The following LOXL1 variants were observed in gnomAD, a reference collection of about 807,000 sequenced individuals.
The protein encoded by LOXL1 is lysyl oxidase homolog 1.
A neutral mutation model predicts 62.2 loss-of-function variants in LOXL1; 31 were observed. The ratio of observed to expected loss-of-function variants is 0.50; its 90% CI spans 0.37 to 0.67. LOXL1 has a LOEUF of 0.67. Among genes scored for constraint, LOXL1 ranks in the 30% least tolerant of loss-of-function variants. The probability of loss-of-function intolerance (pLI) is 0.00; values close to 1 mark genes in which losing one functional copy is unlikely to be tolerated. For missense variants in LOXL1, 775 were observed against 843.4 expected, an observed-to-expected ratio of 0.92 and a Z score of 1.00; for synonymous variants, 403 against 384.4, an observed-to-expected ratio of 1.05 and a Z score of -0.56.
intron 1 of LOXL1, among the ~76,000 whole-genome samples, chr15:73,941,708 G>A (rs1456554006): frequency 6.6e-6 from 1 of 152,146 alleles, no homozygotes. Context: ...TAAGTCAGTG[G>A]CTGGGCTGGG....
Position 73,946,567 on chromosome 15 carries a change from G to T in LOXL1, c.1349+13G>T. 1 of 1,595,704 alleles carries T rather than the reference G, an allele frequency of 6.3e-7. No individual in the cohort carries two copies. Among genetic ancestry groups the T allele is most frequent in the Non-Finnish European group, 8.5e-7 (1 of 1,171,024 alleles). ...ACAGCTGCCACCAGTGAGTGGGGAGGGGCTGGGCCCGTCCTCTTCCACTTC... is the reference window on the plus strand; with the variant it reads ...ACAGCTGCCACCAGTGAGTGGGGAGTGGCTGGGCCCGTCCTCTTCCACTTC... On this transcript the variant is annotated intron_variant, in intron 3 of 6. Transcript: ENST00000261921.
chr15:73,939,340 C>T (rs1022051319), intron 1 of LOXL1, among the ~76,000 whole-genome samples: 1 of 151,984 alleles, frequency 6.6e-6, no homozygotes, highest in African/African-American at 2.4e-5. Context: ...GAGGGTGAGG[C>T]GGGGGGGCCT....
intron 1 of LOXL1, 69 bp downstream of exon 1, chr15:73,927,954 CG>C (rs2068603219): frequency 8.0e-7 from 1 of 1,253,902 alleles, no homozygotes; most frequent in East Asian, 3.2e-5. Flanking sequence ...CCGGGCCCCC[CG>C]GGCCCCTCCT....
At chr15:73,949,611 C>T in intron 6 of LOXL1, 37 bp downstream of exon 6, 1 of 1,454,516 alleles carries the variant, frequency 6.9e-7, no homozygotes, top group Non-Finnish European at 9.6e-7. Context: ...GGCTCCGTCC[C>T]TTTCCTGCCT....
chr15:73,949,684 C>T (rs765582358), intron 6 of LOXL1, 110 bp downstream of exon 6: 104 of 735,036 alleles, frequency 1.4e-4, no homozygotes, highest in East Asian at 9.8e-4. Flanking sequence ...CCTTGATGGC[C>T]GAACGCAGCT....
chr15:73,934,177 CA>C (rs927280088), intron 1 of LOXL1, among the ~76,000 whole-genome samples: 1 of 152,236 alleles, frequency 6.6e-6, no homozygotes, highest in Non-Finnish European at 1.5e-5. Context: ...AAACCCAACG[CA>C]AATCTTTCTG....
rs1402237715 is a variant in LOXL1 at position 73,927,481 on chromosome 15, G to A, written c.698G>A (p.Arg233His). Reference sequence around the variant, plus strand: ...ATCTACCCCTACCAGCCCCGGGCGCGCTACGAGGAGTACGGCGGCGGCGAA... The same window carrying A: ...ATCTACCCCTACCAGCCCCGGGCGCACTACGAGGAGTACGGCGGCGGCGAA... Reference protein sequence around the residue: ...GVIYPYQPRARYEEYGGGEEL... With the variant: ...GVIYPYQPRAHYEEYGGGEEL... Residue 233 changes from arginine (R) to histidine (H), a missense_variant, in exon 1 of 7, where the codon CGC becomes CAC. Coordinates refer to ENST00000261921, the MANE Select transcript of LOXL1 (RefSeq NM_005576.4). The A allele has an allele frequency of 2.1e-6, 3 of 1,457,896 alleles. No homozygotes were observed. The highest frequency in any genetic ancestry group is 2.8e-5 in the East Asian group (1 of 35,546). 90.3% of individuals were successfully genotyped at this position (1,457,896 alleles called of 1,614,324 possible). A position where few individuals can be genotyped will look rare whatever the true frequency, so the allele number is the denominator to read the frequency against.
At chr15:73,938,275 G>GTATCTATC (rs138576407) in intron 1 of LOXL1, among the ~76,000 whole-genome samples, 48,352 of 140,356 alleles carry the variant, frequency 0.34, 8,631 homozygotes, top group Middle Eastern at 0.42. Context: ...GCTAGACTCC[G>GTATCTATC]TATCTATCTA....
In LOXL1 at chr15:73,947,841, C is replaced by A; in HGVS notation, c.1541C>A (p.Ala514Glu). ...CCAGGCTGCTATGACACCTACAATG[C>A]GGACATCGACTGCCAGTGGATCGAC... The part of the protein sequence containing the change: ...LSPGCYDTYN[A>E]DIDCQWIDIT... Residue 514 changes from alanine (A) to glutamate (E), a missense_variant, in exon 5 of 7, where the codon GCG becomes GAG. By Grantham distance (107) the Ala-to-Glu change is moderately radical. Coordinates refer to ENST00000261921, the MANE Select transcript of LOXL1 (RefSeq NM_005576.4). The A allele has an allele frequency of 6.2e-7, 1 of 1,613,666 alleles. No homozygotes were observed. Among genetic ancestry groups the A allele is most frequent in the Non-Finnish European group, 8.5e-7 (1 of 1,179,646 alleles).
Position 73,927,413 on chromosome 15 carries a change from CG to C in LOXL1, c.632del (p.Gly211AlafsTer216). 2.6e-6 allele frequency: 4 copies of C among 1,530,782 alleles called. No individual in the cohort carries two copies. Among genetic ancestry groups the C allele is most frequent in the Non-Finnish European group, 3.5e-6 (4 of 1,141,436 alleles). The allele number at this position is 1,530,782 out of a possible 1,614,324, so 94.8% of individuals were successfully genotyped here. A position where few individuals can be genotyped will look rare whatever the true frequency, so the allele number is the denominator to read the frequency against. On this transcript the variant is annotated frameshift_variant, in exon 1 of 7. Transcript: ENST00000261921. LOFTEE classifies it high-confidence loss of function. ...GFVYYRPAGG[G>X]VGAGAAAVAS... Reference sequence around the variant, plus strand: ...TCGTGTACTACCGGCCCGCGGGCGGCGGCGTGGGCGCGGGGGCGGCGGCCGT... The same window carrying C: ...TCGTGTACTACCGGCCCGCGGGCGGCGCGTGGGCGCGGGGGCGGCGGCCGT...
Position 73,926,633 on chromosome 15 carries a change from C to G in LOXL1, c.-151C>G. 3 of 895,076 alleles carry G rather than the reference C, an allele frequency of 3.4e-6. No individual in the cohort carries two copies. Among genetic ancestry groups the G allele is most frequent in the African/African-American group, 3.5e-5 (2 of 56,974 alleles). The allele number at this position is 895,076 out of a possible 1,614,324, so 55.4% of individuals were successfully genotyped here. On this transcript the variant is annotated 5_prime_UTR_variant, in exon 1 of 7. Coordinates refer to ENST00000261921, the MANE Select transcript of LOXL1 (RefSeq NM_005576.4). ...CTTGAAATGCTGTCATCGGAGGAGC[C>G]GTCCCGCTCGGGACAAGGCCAGCAT...
In LOXL1 at chr15:73,926,869, A is replaced by AGCCCGGGCAGGGCTCGGACCCC; in HGVS notation, c.92_113dup (p.Trp39AlafsTer41). On this transcript the variant is annotated frameshift_variant, in exon 1 of 7. Transcript: ENST00000261921. LOFTEE classifies it high-confidence loss of function. The stretch of plus-strand genomic sequence containing the variant: ...GTGCTGGTGCACGGGCAGCAGGCGC[A>AGCCCGGGCAGGGCTCGGACCCC]GCCCGGGCAGGGCTCGGACCCCGCC... 1 of 1,553,152 alleles carries AGCCCGGGCAGGGCTCGGACCCC rather than the reference A, an allele frequency of 6.4e-7. No homozygotes were observed.
Position 73,951,948 on chromosome 15 carries a change from C to G in LOXL1, c.*111C>G. 8.3e-6 allele frequency: 8 copies of G among 967,514 alleles called. No individual in the cohort carries two copies. The highest frequency in any genetic ancestry group is 3.0e-5 in the South Asian group (1 of 33,306). 59.9% of individuals were successfully genotyped at this position (967,514 alleles called of 1,614,324 possible). A position where few individuals can be genotyped will look rare whatever the true frequency, so the allele number is the denominator to read the frequency against. ...CCAACCCACAGGCACGGAGGGGCAT[C>G]CCTCCCTGCCGGCCTCAGGGAGCGA... On this transcript the variant is annotated 3_prime_UTR_variant, in exon 7 of 7. Coordinates refer to ENST00000261921, the MANE Select transcript of LOXL1 (RefSeq NM_005576.4).
Position 73,949,507 on chromosome 15 carries a change from A to G in LOXL1, c.1651A>G (p.Asn551Asp). 6.2e-7 allele frequency: 1 copy of G among 1,614,050 alleles called. No homozygotes were observed. The highest frequency in any genetic ancestry group is 8.5e-7 in the Non-Finnish European group (1 of 1,179,912). Residue 551 changes from asparagine to aspartate, a missense_variant, in exon 6 of 7, where the codon AAC (asparagine) becomes GAC (aspartate). Asn to Asp is a conservative substitution (Grantham distance 23, BLOSUM62 1). Transcript: ENST00000261921. ...YIVLESDFTNNVVRCNIHYTG... is the reference protein window; with the variant it reads ...YIVLESDFTNDVVRCNIHYTG... The stretch of plus-strand genomic sequence containing the variant: ...TGTTTTGGAGTCTGACTTCACCAAC[A>G]ACGTGGTGAGATGCAACATTCACTA...
At position 73,945,842 on chromosome 15, in the gene LOXL1, A is replaced by G. The variant is rs2068743583; in HGVS notation, c.1212-575A>G. Among the ~76,000 whole-genome samples the G allele has an allele frequency of 6.6e-6, 1 of 152,152 alleles. No homozygotes were observed. Among genetic ancestry groups the G allele is most frequent in the South Asian group, 2.1e-4 (1 of 4,824 alleles). On this transcript the variant is annotated intron_variant, in intron 2 of 6. Transcript: ENST00000261921. The surrounding 1 kb of genome is among the most constrained non-coding windows in gnomAD (Gnocchi z 4.3). ...GATCAGTCTCCAAGTAGCTGGGACTACAGGCATAAGCCACCTTACCTGGCT... is the reference window on the plus strand; with the variant it reads ...GATCAGTCTCCAAGTAGCTGGGACTGCAGGCATAAGCCACCTTACCTGGCT...
chr15:73,927,019 G>A lies in LOXL1; in HGVS notation c.236G>A (p.Gly79Asp), dbSNP rs1457701149. 29 of 1,432,324 alleles carry A rather than the reference G, an allele frequency of 2.0e-5. No homozygotes were observed. The highest frequency in any genetic ancestry group is 2.7e-5 in the Non-Finnish European group (29 of 1,081,912). The allele number at this position is 1,432,324 out of a possible 1,614,324, so 88.7% of individuals were successfully genotyped here. ...SESSSRVLLA[G>D]APQAQQRRSH... ...AGTAGCTCCCGGGTGCTGCTGGCCG[G>A]CGCGCCCCAGGCCCAGCAGCGGCGC... Residue 79 changes from glycine to aspartate, a missense_variant, in exon 1 of 7, where the codon GGC becomes GAC. Gly to Asp is a moderately conservative substitution (Grantham distance 94, BLOSUM62 -1). Coordinates refer to ENST00000261921, the MANE Select transcript of LOXL1 (RefSeq NM_005576.4).
In LOXL1 at chr15:73,945,524, G is replaced by T. The variant is rs1173125246; in HGVS notation, c.1212-893G>T. Among the ~76,000 whole-genome samples, 1 of 152,166 alleles carries T rather than the reference G, an allele frequency of 6.6e-6. No individual in the cohort carries two copies. The highest frequency in any genetic ancestry group is 1.5e-5 in the Non-Finnish European group (1 of 68,018). On this transcript the variant is annotated intron_variant, in intron 2 of 6. Transcript: ENST00000261921. This position sits in a 1 kb window ranked among gnomAD's most constrained non-coding sequence, Gnocchi z 4.3. ...AAAGTTCAGCCTGTTTGGAAAATAG[G>T]CTTTGAAGCAGGAACCCAGGGTGTG... is the stretch of plus-strand genomic sequence containing the variant.
chr15:73,947,889 A>G lies in LOXL1; in HGVS notation c.1589A>G (p.Asn530Ser). The G allele has an allele frequency of 6.2e-7, 1 of 1,613,310 alleles. No homozygotes were observed. The highest frequency in any genetic ancestry group is 1.3e-5 in the African/African-American group (1 of 75,046). Residue 530 changes from asparagine to serine, a missense_variant, in exon 5 of 7, where the codon AAC becomes AGC. Physicochemically the swap from Asn to Ser is conservative, Grantham distance 46 (BLOSUM62 1). Coordinates refer to ENST00000261921, the MANE Select transcript of LOXL1 (RefSeq NM_005576.4). ...GACATAACCGACGTGCAGCCTGGGA[A>G]CTACATCCTCAAGGTGGGCCTCTGG... is the stretch of plus-strand genomic sequence containing the variant. ...WIDITDVQPG[N>S]YILKVHVNPK...
At chr15:73,950,119 C>G (rs534643006) in intron 6 of LOXL1, among the ~76,000 whole-genome samples, 194 of 152,118 alleles carry the variant, frequency 1.3e-3, no homozygotes, top group Middle Eastern at 6.8e-3. Flanking sequence ...CCCTAGGCCC[C>G]CATTGTAGAA....
Sources: gnomAD v4.1 joint callset for allele counts (sites outside exome capture counted in the v4.1 genomes callset) on GRCh38, gnomAD v4.1.1 for gene constraint, Gnocchi (gnomAD v3.1) non-coding constraint, MANE v1.5 for transcripts, NCBI Gene and HGNC (gene_info 2026-07-23, HGNC 2026-07-21) for gene names.